The following LIX1 variants were observed in gnomAD, a reference collection of about 807,000 sequenced individuals.
The protein encoded by LIX1 is limb and CNS expressed 1, also known as protein limb expression 1 homolog.
Under a neutral mutation model 33.4 loss-of-function variants are expected in LIX1, and 24 were observed. The ratio of observed to expected loss-of-function variants is 0.72; its 90% CI spans 0.52 to 1.01. The LOEUF (loss-of-function observed/expected upper bound fraction) is 1.01. Among genes scored for constraint, LIX1 ranks in the 50% least tolerant of loss-of-function variants. The probability of loss-of-function intolerance (pLI) is 0.00; values close to 1 mark genes in which losing one functional copy is unlikely to be tolerated. For synonymous variants in LIX1, 124 were observed against 124.0 expected (o/e 1.00, Z 0.00); for missense variants, 311 against 339.2 (o/e 0.92, Z 0.65).
rs1452055126 is a variant in LIX1, at chr5:97,094,792, T to G, written c.805A>C (p.Ser269Arg). ...GCCGTAAGGCTCAGCTGATCATCAC[T>G]GGGTGAGGAAGTGTCAGGGTCACTG... Reference protein sequence around the residue: ...ICSDPDTSSPSDDQLSLTALC... With the variant: ...ICSDPDTSSPRDDQLSLTALC... Residue 269 changes from serine to arginine, a missense_variant, in exon 6 of 6, where the codon AGT (serine) becomes CGT (arginine). Transcript: ENST00000274382. 6.2e-7 allele frequency: 1 copy of G among 1,614,188 alleles called. No homozygotes were observed. The highest frequency in any genetic ancestry group is 1.3e-5 in the African/African-American group (1 of 75,062).
intron 2 of LIX1, 43 bp from the exon 3 acceptor site, chr5:97,107,543 A>G: frequency 6.2e-7 from 1 of 1,605,780 alleles, no homozygotes. Flanking sequence ...AGAATTTAGC[A>G]TTTCACCATT....
At chr5:97,136,427 T>C (rs745654038) in intron 1 of LIX1, among the ~76,000 whole-genome samples, 1 of 152,204 alleles carries the variant, frequency 6.6e-6, no homozygotes, top group Non-Finnish European at 1.5e-5. Flanking sequence ...ACCCCCTTCA[T>C]GCGAGGAAGA....
rs1235352211 is a variant in LIX1, at chr5:97,110,961, T to C, written c.247-3461A>G. 2.0e-5 allele frequency among the ~76,000 whole-genome samples: 3 copies of C among 152,190 alleles called. No homozygotes were observed. The East Asian group carries it at 5.8e-4, about 29-fold the overall frequency. ...ATGGGTTTGACAAGGTAGATTGGCT[T>C]TGTGTTATGGGCTTGGCTGAAAATT... On this transcript the variant is annotated intron_variant, in intron 2 of 5. Transcript: ENST00000274382.
intron 4 of LIX1, among the ~76,000 whole-genome samples, chr5:97,102,786 C>T (rs1358877190): frequency 6.6e-6 from 1 of 151,110 alleles, no homozygotes; most frequent in Non-Finnish European, 1.5e-5. Flanking sequence ...AAACCAATCA[C>T]ATTCAAAATC....
chr5:97,098,427 G>C (rs1746503873), intron 4 of LIX1, among the ~76,000 whole-genome samples: 6 of 152,162 alleles, frequency 3.9e-5, no homozygotes, highest in Admixed American at 3.9e-4. Context: ...GAAATTATTT[G>C]CATTTCAGTT....
At chr5:97,125,614 G>T (rs1256982493) in intron 1 of LIX1, among the ~76,000 whole-genome samples, 1 of 152,182 alleles carries the variant, frequency 6.6e-6, no homozygotes, top group Non-Finnish European at 1.5e-5. Context: ...CATGCAGAGG[G>T]TCTACTTCTC....
At chr5:97,138,620 T>C (rs757362763) in intron 1 of LIX1, among the ~76,000 whole-genome samples, 3 of 152,230 alleles carry the variant, frequency 2.0e-5, no homozygotes, top group Non-Finnish European at 2.9e-5. Context: ...ACATGGTTCT[T>C]GTATTGCCCA....
At chr5:97,109,260 A>G (rs991474242) in intron 2 of LIX1, among the ~76,000 whole-genome samples, 1 of 151,734 alleles carries the variant, frequency 6.6e-6, no homozygotes. Context: ...GAGCCCTCAT[A>G]TACTTTTGTT....
chr5:97,114,790 C>G (rs931879723), intron 2 of LIX1, among the ~76,000 whole-genome samples: 1 of 152,182 alleles, frequency 6.6e-6, no homozygotes, highest in East Asian at 1.9e-4. Context: ...CTGAGGCTTA[C>G]ACAATTTGGG....
At chr5:97,107,869 T>A (rs560726543) in intron 2 of LIX1, among the ~76,000 whole-genome samples, 1 of 151,952 alleles carries the variant, frequency 6.6e-6, no homozygotes, top group African/African-American at 2.4e-5. Context: ...AGAAAAAAAA[T>A]GTAAGGAAAG....
intron 2 of LIX1, among the ~76,000 whole-genome samples, chr5:97,117,924 A>T (rs937901036): frequency 2.3e-5 from 1 of 43,180 alleles, no homozygotes; most frequent in Non-Finnish European, 4.4e-5. Context: ...ACAAATGGAA[A>T]AAAAAAAAAA....
chr5:97,107,627 C>G (rs1747128752), intron 2 of LIX1, 127 bp from the exon 3 acceptor site: 3 of 1,006,646 alleles, frequency 3.0e-6, no homozygotes, highest in Non-Finnish European at 4.3e-6. Flanking sequence ...TGTTCATATA[C>G]ATTGCTAATT....
chr5:97,124,588 G>T lies in LIX1; in HGVS notation c.124C>A (p.Gln42Lys). The stretch of plus-strand genomic sequence containing the variant: ...CTTGGGAATGCAGCCTTCTGCTGCT[G>T]CTTGCTTTCCCAAAATTCCTGTAAC... The part of the protein sequence containing the change: ...SMLQEFWESK[Q>K]QQKAAFPSEG... Residue 42 changes from glutamine to lysine, a missense_variant, in exon 2 of 6, where the codon CAG becomes AAG. Physicochemically the swap from Gln to Lys is moderately conservative, Grantham distance 53. Transcript: ENST00000274382. 6.2e-7 allele frequency: 1 copy of T among 1,609,828 alleles called. No homozygotes were observed. Among genetic ancestry groups the T allele is most frequent in the African/African-American group, 1.3e-5 (1 of 74,892 alleles).
intron 1 of LIX1, among the ~76,000 whole-genome samples, chr5:97,125,439 A>C (rs762696605): frequency 6.6e-6 from 1 of 152,256 alleles, no homozygotes; most frequent in Non-Finnish European, 1.5e-5. Context: ...TGCCTAATGC[A>C]GGAATTCCTC....
At chr5:97,116,438 G>C (rs139932998) in intron 2 of LIX1, among the ~76,000 whole-genome samples, 9 of 152,104 alleles carry the variant, frequency 5.9e-5, no homozygotes, top group East Asian at 3.9e-4. Flanking sequence ...AGCTAGGTGT[G>C]GGGGAGGGGA....
chr5:97,125,869 G>A (rs1054602395), intron 1 of LIX1, among the ~76,000 whole-genome samples: 3 of 152,168 alleles, frequency 2.0e-5, no homozygotes, highest in Non-Finnish European at 4.4e-5. Context: ...TGTTTTCAGT[G>A]GGGTTTCTGG....
intron 1 of LIX1, among the ~76,000 whole-genome samples, chr5:97,133,932 G>A (rs1248078739): frequency 1.3e-5 from 2 of 152,078 alleles, no homozygotes; most frequent in Non-Finnish European, 2.9e-5. Context: ...ATAGAAGACA[G>A]TCATTTGTCC....
intron 4 of LIX1, 93 bp downstream of exon 4, chr5:97,105,097 T>C (rs750419599): frequency 8.7e-6 from 10 of 1,145,570 alleles, no homozygotes; most frequent in Middle Eastern, 3.9e-4. Flanking sequence ...ACCAAAAGAT[T>C]ATTGGGTCGG....
chr5:97,122,319 G>A (rs1045907628), intron 2 of LIX1, among the ~76,000 whole-genome samples: 1 of 152,070 alleles, frequency 6.6e-6, no homozygotes, highest in African/African-American at 2.4e-5. Flanking sequence ...TTCACAGTAC[G>A]TTTCTCCTAT....
Sources: allele counts gnomAD v4.1 joint callset (sites outside exome capture counted in the v4.1 genomes callset), GRCh38; gene constraint gnomAD v4.1.1; transcripts MANE v1.5; gene names NCBI Gene and HGNC (gene_info 2026-07-23, HGNC 2026-07-21).